The following CDKN2B variants were observed in gnomAD, a reference collection of about 807,000 sequenced individuals.
The protein encoded by CDKN2B is cyclin dependent kinase inhibitor 2B.
CDKN2B carries 8 observed loss-of-function variants against 7.7 expected under a neutral mutation model. That is an observed-to-expected ratio of 1.04 (90% CI 0.61 to 1.87). The LOEUF is 1.87. Ranked by LOEUF, CDKN2B falls within the 40% of genes most tolerant of loss-of-function variation. The probability of loss-of-function intolerance (pLI) is 0.00; values close to 1 mark genes in which losing one functional copy is unlikely to be tolerated. For missense variants in CDKN2B, 244 were observed against 213.1 expected (o/e 1.15, Z -0.90); for synonymous variants, 93 against 95.8 (o/e 0.97, Z 0.17).
rs73652819 is a variant in CDKN2B at position 22,008,112 on chromosome 9, A to C, written c.156+686T>G. Among the ~76,000 whole-genome samples, 1,085 of 152,358 alleles carry C rather than the reference A, an allele frequency of 7.1e-3. 14 individuals carry two copies. The highest frequency in any genetic ancestry group is 0.024 in the African/African-American group (1,015 of 41,582). Reference sequence around the variant, plus strand: ...TTGAATAAGTGTATTTTAACAATGAAGATAAAGATGCATTATTTATGAAGA... The same window carrying C: ...TTGAATAAGTGTATTTTAACAATGACGATAAAGATGCATTATTTATGAAGA... On this transcript the variant is annotated intron_variant, in intron 1 of 1. Coordinates refer to ENST00000276925, the MANE Select transcript of CDKN2B (RefSeq NM_004936.4).
Position 22,003,325 on chromosome 9 carries a change from G to A in CDKN2B, c.*2662C>T, listed in dbSNP as rs2131172472. The A allele has an allele frequency of 4.5e-6, 1 of 222,370 alleles. No homozygotes were observed. The highest frequency in any genetic ancestry group is 6.7e-5 in the East Asian group (1 of 14,892). 13.8% of individuals were successfully genotyped at this position (222,370 alleles called of 1,614,324 possible). ...AAAAAAAACAGTGTAATATAGTACT[G>A]TGGGATCCACAATAACATTTTCTTT... On this transcript the variant is annotated 3_prime_UTR_variant, in exon 2 of 2. Transcript: ENST00000276925.
rs796382099 is a variant in CDKN2B at position 22,006,743 on chromosome 9, G to GT, written c.157-497dup. 8.4e-4 allele frequency among the ~76,000 whole-genome samples: 128 copies of GT among 151,824 alleles called. No homozygotes were observed. The highest frequency in any genetic ancestry group is 2.8e-3 in the African/African-American group (114 of 41,436). ...TTTAGGGGAGAAAATAAACAACTAAGTTTTTTTCTTTCTTTTTTTTTTAAT... is the reference window on the plus strand; with the variant it reads ...TTTAGGGGAGAAAATAAACAACTAAGTTTTTTTTCTTTCTTTTTTTTTTAAT... On this transcript the variant is annotated intron_variant, in intron 1 of 1. Transcript: ENST00000276925. The surrounding 1 kb of genome is among the most constrained non-coding windows in gnomAD (Gnocchi z 6.4).
intron 1 of CDKN2B, 30 bp downstream of exon 1, chr9:22,008,768 C>G (rs188670390): frequency 1.6e-5 from 26 of 1,609,582 alleles, no homozygotes; most frequent in Non-Finnish European, 2.1e-5. Flanking sequence ...CGCGCGCCCC[C>G]TGCCGGCGAG....
rs565688322 is a variant in CDKN2B at position 22,006,149 on chromosome 9, A to G, written c.255T>C (p.His85=). 5.6e-6 allele frequency: 9 copies of G among 1,611,628 alleles called. No individual in the cohort carries two copies. Among genetic ancestry groups the G allele is most frequent in the African/African-American group, 1.3e-5 (1 of 74,922 alleles). Residue 85 remains histidine (H), a synonymous_variant, in exon 2 of 2, where the codon CAT becomes CAC. Coordinates refer to ENST00000276925, the MANE Select transcript of CDKN2B (RefSeq NM_004936.4). The surrounding 1 kb of genome is among the most constrained non-coding windows in gnomAD (Gnocchi z 6.4). ...ADPATLTRPV[H]DAAREGFLDT... is the part of the protein sequence containing the mutation. ...CCAGGAAGCCCTCCCGGGCAGCATC[A>G]TGCACCGGTCGGGTGAGAGTGGCAG... is the stretch of plus-strand genomic sequence containing the variant.
In CDKN2B at chr9:22,005,716, C is replaced by A. The variant is rs1821139367; in HGVS notation, c.*271G>T. On this transcript the variant is annotated 3_prime_UTR_variant, in exon 2 of 2. Coordinates refer to ENST00000276925, the MANE Select transcript of CDKN2B (RefSeq NM_004936.4). This position sits in a 1 kb window ranked among gnomAD's most constrained non-coding sequence, Gnocchi z 4.9. ...CAGAAAACCCTGAAAAGCAAACGAC[C>A]CCTGGAATGTCACACACTCCTAAAT... 3.5e-6 allele frequency: 2 copies of A among 569,682 alleles called. No individual in the cohort carries two copies. Among genetic ancestry groups the A allele is most frequent in the Non-Finnish European group, 3.1e-6 (1 of 318,304 alleles). 35.3% of individuals were successfully genotyped at this position (569,682 alleles called of 1,614,324 possible).
In CDKN2B at chr9:22,003,500, A is replaced by C. The variant is rs955027570; in HGVS notation, c.*2487T>G. On this transcript the variant is annotated 3_prime_UTR_variant, in exon 2 of 2. Transcript: ENST00000276925. Reference sequence around the variant, plus strand: ...GCAAATTTAAACATCTTGGAATTTAAGATATAGAGGTCAAATTAAGGGATT... The same window carrying C: ...GCAAATTTAAACATCTTGGAATTTACGATATAGAGGTCAAATTAAGGGATT... 2 of 228,660 alleles carry C rather than the reference A, an allele frequency of 8.7e-6. No homozygotes were observed. The highest frequency in any genetic ancestry group is 1.7e-5 in the Non-Finnish European group (2 of 115,446). 14.2% of individuals were successfully genotyped at this position (228,660 alleles called of 1,614,324 possible).
chr9:22,006,112 C>A lies in CDKN2B; in HGVS notation c.292G>T (p.Val98Leu). Residue 98 changes from valine (V) to leucine (L), a missense_variant, in exon 2 of 2, where the codon GTG becomes TTG. Transcript: ENST00000276925. This position sits in a 1 kb window ranked among gnomAD's most constrained non-coding sequence, Gnocchi z 6.4. Reference protein sequence around the residue: ...AREGFLDTLVVLHRAGARLDV... With the variant: ...AREGFLDTLVLLHRAGARLDV... ...AGCCGCGCCCCGGCCCGGTGCAGCA[C>A]CACCAGCGTGTCCAGGAAGCCCTCC... 6.2e-7 allele frequency: 1 copy of A among 1,610,430 alleles called. No individual in the cohort carries two copies. Among genetic ancestry groups the A allele is most frequent in the Non-Finnish European group, 8.5e-7 (1 of 1,179,812 alleles).
chr9:22,008,779 G>T lies in CDKN2B; in HGVS notation c.156+19C>A. ...CGTTCGCGCGCCCCCTGCCGGCGAG[G>T]CCCTGGGGCCCCAGCTACCTGGATC... is the stretch of plus-strand genomic sequence containing the variant. On this transcript the variant is annotated intron_variant, in intron 1 of 1. Transcript: ENST00000276925. The T allele has an allele frequency of 6.2e-7, 1 of 1,607,682 alleles. No homozygotes were observed. Among genetic ancestry groups the T allele is most frequent in the Non-Finnish European group, 8.5e-7 (1 of 1,176,970 alleles).
In CDKN2B at chr9:22,006,201, T is replaced by C; in HGVS notation, c.203A>G (p.His68Arg). The C allele has an allele frequency of 6.2e-7, 1 of 1,608,624 alleles. No homozygotes were observed. The highest frequency in any genetic ancestry group is 8.5e-7 in the Non-Finnish European group (1 of 1,179,812). The change falls in exon 2 of 2, where the codon CAC (histidine) becomes CGC (arginine). Residue 68 changes from histidine (H) to arginine (R), a missense_variant. His to Arg is a conservative substitution (Grantham distance 29, BLOSUM62 0). Transcript: ENST00000276925. This position sits in a 1 kb window ranked among gnomAD's most constrained non-coding sequence, Gnocchi z 6.4. The part of the protein sequence containing the change: ...SARVAELLLL[H>R]GAEPNCADPA... ...GTCTGCGCAGTTGGGCTCCGCGCCG[T>C]GGAGCAGCAGCAGCTCCGCCACGCG...
Position 22,009,092 on chromosome 9 carries a change from C to T in CDKN2B, c.-139G>A, listed in dbSNP as rs1376962146. The stretch of plus-strand genomic sequence containing the variant: ...ACCTGGGCTCAGCTTCATTACCCTC[C>T]CGTCGTCCTTCTGCGGCTTGGGGCC... On this transcript the variant is annotated 5_prime_UTR_variant, in exon 1 of 2. Transcript: ENST00000276925. 1 of 1,322,302 alleles carries T rather than the reference C, an allele frequency of 7.6e-7. No individual in the cohort carries two copies. The allele number at this position is 1,322,302 out of a possible 1,614,324, so 81.9% of individuals were successfully genotyped here.
Position 22,006,282 on chromosome 9 carries a change from G to A in CDKN2B, c.157-35C>T, listed in dbSNP as rs775688678. ...AGAGCAGAGTGGTCAGAGCCAGGGT[G>A]GGGGCAGGTATGGGAGATGCCGGCC... On this transcript the variant is annotated intron_variant, in intron 1 of 1. Transcript: ENST00000276925. The surrounding 1 kb of genome is among the most constrained non-coding windows in gnomAD (Gnocchi z 6.4). The A allele has an allele frequency of 6.3e-7, 1 of 1,599,900 alleles. No homozygotes were observed. Among genetic ancestry groups the A allele is most frequent in the Non-Finnish European group, 8.5e-7 (1 of 1,179,740 alleles).
rs1821076152 is a variant in CDKN2B at position 22,004,594 on chromosome 9, A to G, written c.*1393T>C. 1 of 232,510 alleles carries G rather than the reference A, an allele frequency of 4.3e-6. No homozygotes were observed. The highest frequency in any genetic ancestry group is 6.1e-5 in the East Asian group (1 of 16,378). The allele number at this position is 232,510 out of a possible 1,614,324, so 14.4% of individuals were successfully genotyped here. ...ATCTCTGTTAATTCTTTATTAAAGT[A>G]GTGAAGTATCAGTTGTTCCAATGAT... On this transcript the variant is annotated 3_prime_UTR_variant, in exon 2 of 2. Coordinates refer to ENST00000276925, the MANE Select transcript of CDKN2B (RefSeq NM_004936.4).
At position 22,005,112 on chromosome 9, in the gene CDKN2B, A is replaced by ATATG. The variant is rs112857145; in HGVS notation, c.*874_*875insCATA. 8.9e-6 allele frequency: 2 copies of ATATG among 225,378 alleles called. No individual in the cohort carries two copies. Among genetic ancestry groups the ATATG allele is most frequent in the Non-Finnish European group, 1.8e-5 (2 of 114,176 alleles). 14.0% of individuals were successfully genotyped at this position (225,378 alleles called of 1,614,324 possible). ...CATAAGGGGATTTCCGCATCCTAGC[A>ATATG]TGTGTGTGTGTGTGTGTGTGTGTGT... On this transcript the variant is annotated 3_prime_UTR_variant, in exon 2 of 2. Transcript: ENST00000276925. The surrounding 1 kb of genome is among the most constrained non-coding windows in gnomAD (Gnocchi z 4.9).
intron 1 of CDKN2B, 61 bp downstream of exon 1, chr9:22,008,737 G>A (rs200266212): frequency 2.5e-6 from 4 of 1,610,586 alleles, no homozygotes; most frequent in South Asian, 2.2e-5. Context: ...GCCCCGATCC[G>A]CCGAGGCCGC....
chr9:22,006,272 G>A lies in CDKN2B; in HGVS notation c.157-25C>T, dbSNP rs1275527487. On this transcript the variant is annotated intron_variant, in intron 1 of 1. Coordinates refer to ENST00000276925, the MANE Select transcript of CDKN2B (RefSeq NM_004936.4). The surrounding 1 kb of genome is among the most constrained non-coding windows in gnomAD (Gnocchi z 6.4). ...CCTGCCAGAGAGAGCAGAGTGGTCAGAGCCAGGGTGGGGGCAGGTATGGGA... is the reference window on the plus strand; with the variant it reads ...CCTGCCAGAGAGAGCAGAGTGGTCAAAGCCAGGGTGGGGGCAGGTATGGGA... 1 of 1,601,108 alleles carries A rather than the reference G, an allele frequency of 6.2e-7. No individual in the cohort carries two copies.
chr9:22,008,659 C>G, intron 1 of CDKN2B, 139 bp downstream of exon 1: 1 of 1,604,342 alleles, frequency 6.2e-7, no homozygotes, highest in Non-Finnish European at 8.5e-7. Context: ...GCCTGTTTTA[C>G]GCGTGGAATG....
intron 1 of CDKN2B, 89 bp downstream of exon 1, chr9:22,008,709 T>A: frequency 1.9e-6 from 3 of 1,611,534 alleles, no homozygotes; most frequent in Non-Finnish European, 2.5e-6. Flanking sequence ...CAAATCTACA[T>A]CGGCGATCTA....
chr9:22,005,066 C>A lies in CDKN2B; in HGVS notation c.*921G>T, dbSNP rs1821096990. 1 of 232,968 alleles carries A rather than the reference C, an allele frequency of 4.3e-6. No individual in the cohort carries two copies. Among genetic ancestry groups the A allele is most frequent in the Admixed American group, 5.6e-5 (1 of 17,754 alleles). The allele number at this position is 232,968 out of a possible 1,614,324, so 14.4% of individuals were successfully genotyped here. On this transcript the variant is annotated 3_prime_UTR_variant, in exon 2 of 2. Transcript: ENST00000276925. The surrounding 1 kb of genome is among the most constrained non-coding windows in gnomAD (Gnocchi z 4.9). ...AACAACTAAAAAGTACAAAATATCA[C>A]AAAATCAAAAAGTAGCAAGTCATAA...
chr9:22,008,899 C>T lies in CDKN2B; in HGVS notation c.55G>A (p.Ala19Thr), dbSNP rs1042713073. ...ACTAGTCCCCGCGCCGCGGCGCTGG[C>T]CAGACCCTCATCGCTGCCGCCCCCA... is the stretch of plus-strand genomic sequence containing the variant. ...PSGGGSDEGLASAAARGLVEK... is the reference protein window; with the variant it reads ...PSGGGSDEGLTSAAARGLVEK... The change falls in exon 1 of 2, where the codon GCC (alanine) becomes ACC (threonine). Residue 19 changes from alanine (A) to threonine (T), a missense_variant. Transcript: ENST00000276925. The T allele has an allele frequency of 1.9e-6, 3 of 1,612,752 alleles. No homozygotes were observed. In the Admixed American group the frequency reaches 5.0e-5, roughly 27 times the overall value.
Sources: gnomAD v4.1 joint callset for allele counts (sites outside exome capture counted in the v4.1 genomes callset) on GRCh38, gnomAD v4.1.1 for gene constraint, Gnocchi (gnomAD v3.1) non-coding constraint, MANE v1.5 for transcripts, NCBI Gene and HGNC (gene_info 2026-07-23, HGNC 2026-07-21) for gene names.